The following SLC16A12 variants were observed in gnomAD, a reference collection of about 807,000 sequenced individuals.
The protein encoded by SLC16A12 is monocarboxylate transporter 12.
Under a neutral mutation model 42.4 loss-of-function variants are expected in SLC16A12, and 17 were observed. The ratio of observed to expected loss-of-function variants is 0.40; its 90% CI spans 0.27 to 0.60. SLC16A12 has a LOEUF of 0.60. Ranked by LOEUF, SLC16A12 falls within the 20% of genes least tolerant of loss-of-function variation. SLC16A12 has a pLI of 0.42. For missense variants in SLC16A12, 544 were observed against 623.0 expected, an observed-to-expected ratio of 0.87 and a Z score of 1.35; for synonymous variants, 224 against 229.4, an observed-to-expected ratio of 0.98 and a Z score of 0.21.
intron 2 of SLC16A12, among the ~76,000 whole-genome samples, chr10:89,509,952 C>G (rs752821397): frequency 6.6e-6 from 1 of 152,140 alleles, no homozygotes; most frequent in Non-Finnish European, 1.5e-5. Context: ...CGATAACAGA[C>G]AGAGAGCCAA....
At chr10:89,524,865 T>C (rs1274046177) in intron 2 of SLC16A12, among the ~76,000 whole-genome samples, 2 of 152,224 alleles carry the variant, frequency 1.3e-5, no homozygotes, top group African/African-American at 4.8e-5. Context: ...TTAAAGGTAA[T>C]TAATTCTATT....
At chr10:89,529,793 C>T (rs1436027509) in intron 2 of SLC16A12, among the ~76,000 whole-genome samples, 1 of 152,136 alleles carries the variant, frequency 6.6e-6, no homozygotes, top group African/African-American at 2.4e-5. Context: ...GGTGATCCAC[C>T]CGCCTCAACC....
Position 89,462,560 on chromosome 10 carries a change from A to G in SLC16A12, c.19T>C (p.Trp7Arg), listed in dbSNP as rs1842319841. ...ATGATCTTGGAAGAGTTTGCTGTCC[A>G]GTGACTTCCTGATGGCATTCAAGGT... The part of the protein sequence containing the change: MPSGSH[W>R]TANSSKIITW... The change falls in exon 3 of 8, where the codon TGG (tryptophan) becomes CGG (arginine). Residue 7 changes from tryptophan (W) to arginine (R), a missense_variant. Transcript: ENST00000371790. 1.9e-6 allele frequency: 3 copies of G among 1,610,016 alleles called. No homozygotes were observed. The highest frequency in any genetic ancestry group is 2.5e-6 in the Non-Finnish European group (3 of 1,179,274).
At chr10:89,496,041 C>A (rs1842917121) in intron 2 of SLC16A12, among the ~76,000 whole-genome samples, 1 of 152,006 alleles carries the variant, frequency 6.6e-6, no homozygotes, top group African/African-American at 2.4e-5. Flanking sequence ...AACCAAAGAT[C>A]ATCAAATAGT....
intron 2 of SLC16A12, among the ~76,000 whole-genome samples, chr10:89,477,488 C>CAGG (rs1842599068): frequency 6.9e-6 from 1 of 145,688 alleles, no homozygotes; most frequent in African/African-American, 2.6e-5. Context: ...CACTTGAACC[C>CAGG]AGGAGGAGGA....
rs1407078664 is a variant in SLC16A12 at position 89,486,659 on chromosome 10, GAAAGA to G, written c.-46-24040_-46-24036del. 1.1e-3 allele frequency among the ~76,000 whole-genome samples: 50 copies of G among 46,598 alleles called. 1 individual carries two copies. The highest frequency in any genetic ancestry group is 0.011 in the Middle Eastern group (1 of 92). 30.6% of individuals were successfully genotyped at this position (46,598 alleles called of 152,430 possible). ...AGAAAGAAAGAAAGAAAGAAAGAAA[GAAAGA>G]AAAGAAAGAAAGAAAGAAAAGAAAG... On this transcript the variant is annotated intron_variant, in intron 2 of 7. Transcript: ENST00000371790.
At chr10:89,445,436 C>A (rs531402385) in intron 3 of SLC16A12, among the ~76,000 whole-genome samples, 1 of 152,354 alleles carries the variant, frequency 6.6e-6, no homozygotes, top group Non-Finnish European at 1.5e-5. Flanking sequence ...TGTTCTGCAG[C>A]CTCTGCCGGT....
rs574171589 is a variant in SLC16A12 at position 89,437,657 on chromosome 10, C to A, written c.1028+947G>T. ...TCTTTAACCATTAAAAATGTGGAAT[C>A]AATACTAAATATCATATTCATAACA... On this transcript the variant is annotated intron_variant, in intron 6 of 7. Transcript: ENST00000371790. Among the ~76,000 whole-genome samples the A allele has an allele frequency of 8.5e-5, 13 of 152,146 alleles. 1 individual carries two copies. The South Asian group carries it at 2.7e-3, about 32-fold the overall frequency.
chr10:89,485,728 G>A (rs1453102392), intron 2 of SLC16A12, among the ~76,000 whole-genome samples: 1 of 152,152 alleles, frequency 6.6e-6, no homozygotes, highest in Admixed American at 6.5e-5. Context: ...ATGAGTCAGG[G>A]CAAAGAAGCC....
intron 1 of SLC16A12, among the ~76,000 whole-genome samples, 161 bp downstream of exon 1, chr10:89,535,281 C>A (rs1420144530): frequency 6.6e-6 from 1 of 152,194 alleles, no homozygotes; most frequent in Non-Finnish European, 1.5e-5. Flanking sequence ...CCTCCCAACC[C>A]AAGCTGCGCG....
chr10:89,507,248 G>A (rs192207881), intron 2 of SLC16A12, among the ~76,000 whole-genome samples: 1 of 152,016 alleles, frequency 6.6e-6, no homozygotes, highest in Non-Finnish European at 1.5e-5. Context: ...TCCTCGAGAA[G>A]AGCAACCCCA....
Position 89,471,172 on chromosome 10 carries a change from G to A in SLC16A12, c.-46-8548C>T, listed in dbSNP as rs139099798. On this transcript the variant is annotated intron_variant, in intron 2 of 7. Transcript: ENST00000371790. ...CCTACATTTCAGAGTTTTGACAAAT[G>A]TATCACTTATGTAATTACAACCACC... Among the ~76,000 whole-genome samples, 45 of 152,256 alleles carry A rather than the reference G, an allele frequency of 3.0e-4. No homozygotes were observed. In the East Asian group the frequency reaches 8.1e-3, roughly 27 times the overall value.
chr10:89,434,099 C>A (rs1841737567), intron 7 of SLC16A12, among the ~76,000 whole-genome samples: 1 of 152,060 alleles, frequency 6.6e-6, no homozygotes, highest in Non-Finnish European at 1.5e-5. Flanking sequence ...CTTCTCTTAC[C>A]CACTTCAGAT....
intron 2 of SLC16A12, among the ~76,000 whole-genome samples, chr10:89,467,668 CA>C (rs1305945410): frequency 6.6e-6 from 1 of 152,126 alleles, no homozygotes; most frequent in Non-Finnish European, 1.5e-5. Flanking sequence ...GTAATTGTCA[CA>C]AAGAGTAGGA....
chr10:89,504,888 C>T (rs1843036537), intron 2 of SLC16A12, among the ~76,000 whole-genome samples: 1 of 152,130 alleles, frequency 6.6e-6, no homozygotes, highest in African/African-American at 2.4e-5. Context: ...CAGCCCCGAG[C>T]ACCAGAGCAT....
At position 89,436,219 on chromosome 10, in the gene SLC16A12, C is replaced by G. The variant is rs142329889; in HGVS notation, c.1129G>C (p.Val377Leu). ...TAGCCAAAGGTACAAGAGAAAGGCA[C>G]GAGCAGAGGGAGACTTTGAAGCATT... ...LPMLQSLPLL[V>L]PFSCTFGYFD... Residue 377 changes from valine to leucine, a missense_variant, in exon 7 of 8, where the codon GTG becomes CTG. By Grantham distance (32) the Val-to-Leu change is conservative (BLOSUM62 1). Transcript: ENST00000371790. 1.2e-6 allele frequency: 2 copies of G among 1,613,992 alleles called. No individual in the cohort carries two copies. Among genetic ancestry groups the G allele is most frequent in the Admixed American group, 3.3e-5 (2 of 59,986 alleles).
intron 2 of SLC16A12, among the ~76,000 whole-genome samples, chr10:89,508,508 A>G (rs1044985754): frequency 6.6e-6 from 1 of 152,238 alleles, no homozygotes; most frequent in Non-Finnish European, 1.5e-5. Context: ...AGGCAGAAAT[A>G]AAGATGTTCT....
chr10:89,464,496 C>T (rs1031841447), intron 2 of SLC16A12, among the ~76,000 whole-genome samples: 2 of 152,232 alleles, frequency 1.3e-5, no homozygotes, highest in Non-Finnish European at 1.5e-5. Context: ...TACCCAGTTG[C>T]TTTTATAATT....
intron 2 of SLC16A12, among the ~76,000 whole-genome samples, chr10:89,542,844 C>G (rs1843723308): frequency 6.6e-6 from 1 of 152,198 alleles, no homozygotes; most frequent in Non-Finnish European, 1.5e-5. Flanking sequence ...GTTGGTTGGC[C>G]AAAGTCCTCT....
Sources: allele counts gnomAD v4.1 joint callset (sites outside exome capture counted in the v4.1 genomes callset), GRCh38; gene constraint gnomAD v4.1.1; transcripts MANE v1.5; gene names NCBI Gene and HGNC (gene_info 2026-07-23, HGNC 2026-07-21).